Variants in NOP53 observed in about 807,000 individuals in gnomAD.
NOP53 encodes the protein NOP53 ribosome biogenesis factor.
NOP53 carries 40 observed loss-of-function variants against 61.0 expected under a neutral mutation model. That is an observed-to-expected ratio of 0.66 (90% CI 0.51 to 0.85). The LOEUF is 0.85. Ranked by LOEUF, NOP53 falls within the 40% of genes least tolerant of loss-of-function variation. The pLI, the probability that NOP53 is intolerant of heterozygous loss-of-function variation, is 0.00. For synonymous variants in NOP53, 308 were observed against 289.5 expected (o/e 1.06, Z -0.65); for missense variants, 689 against 652.9 (o/e 1.06, Z -0.60).
chr19:47,756,946 G>T, intron 12 of NOP53, 53 bp from the exon 13 acceptor site: 1 of 1,611,944 alleles, frequency 6.2e-7, no homozygotes, highest in Non-Finnish European at 8.5e-7. Context: ...CAGGTCGGCA[G>T]GGGGTATGGG....
intron 2 of NOP53, among the ~76,000 whole-genome samples, chr19:47,749,661 T>C (rs1967101727): frequency 6.6e-6 from 1 of 152,096 alleles, no homozygotes; most frequent in Admixed American, 6.6e-5. Context: ...AACTAGAAGT[T>C]ATGCTGAGAA....
chr19:47,755,662 C>A, intron 9 of NOP53, 94 bp from the exon 10 acceptor site: 1 of 1,365,678 alleles, frequency 7.3e-7, no homozygotes, highest in Non-Finnish European at 1.0e-6. Flanking sequence ...ACCCCACATT[C>A]TCAGAGGCCC....
At position 47,751,032 on chromosome 19, in the gene NOP53, C is replaced by T. The variant is rs550344636; in HGVS notation, c.523C>T (p.Pro175Ser). The T allele has an allele frequency of 3.1e-6, 5 of 1,605,678 alleles. No individual in the cohort carries two copies. In the Admixed American group the frequency reaches 5.1e-5, roughly 16 times the overall value. Residue 175 changes from proline (P) to serine (S), a missense_variant, in exon 4 of 13, where the codon CCT (proline) becomes TCT (serine). Pro to Ser is a moderately conservative substitution (Grantham distance 74, BLOSUM62 -1). Transcript: ENST00000246802. ...CAGGGCCCAGGCCCGGCTCCTCAAC[C>T]CTTCTGCAACAAGGGCCAAGCCCGG... ...VRRAQARLLNPSATRAKPGPQ... is the reference protein window; with the variant it reads ...VRRAQARLLNSSATRAKPGPQ...
chr19:47,755,682 C>T (rs1272586199), intron 9 of NOP53, 74 bp from the exon 10 acceptor site: 1 of 1,417,448 alleles, frequency 7.1e-7, no homozygotes, highest in Non-Finnish European at 9.7e-7. Flanking sequence ...CCTTCTTCTC[C>T]AGGAGGGGGC....
At position 47,754,374 on chromosome 19, in the gene NOP53, G is replaced by T. The variant is rs902889032; in HGVS notation, c.766-153G>T. ...TTGAGGTGCCCTCTGGCTCTGTGCAGGGTGGGTGTGCTGGTAGACGGGGTG... is the reference window on the plus strand; with the variant it reads ...TTGAGGTGCCCTCTGGCTCTGTGCATGGTGGGTGTGCTGGTAGACGGGGTG... On this transcript the variant is annotated intron_variant, in intron 6 of 12. Transcript: ENST00000246802. The surrounding 1 kb of genome is among the most constrained non-coding windows in gnomAD (Gnocchi z 4.2). 5 of 659,102 alleles carry T rather than the reference G, an allele frequency of 7.6e-6. No individual in the cohort carries two copies. Among genetic ancestry groups the T allele is most frequent in the African/African-American group, 1.8e-5 (1 of 56,086 alleles). 40.8% of individuals were successfully genotyped at this position (659,102 alleles called of 1,614,324 possible).
At position 47,745,551 on chromosome 19, in the gene NOP53, T is replaced by A. The variant is rs780550153; in HGVS notation, c.-9T>A. The A allele has an allele frequency of 2.5e-6, 4 of 1,612,820 alleles. No homozygotes were observed. In the African/African-American group the frequency reaches 5.3e-5, roughly 22 times the overall value. The stretch of plus-strand genomic sequence containing the variant: ...GGGACGCCAGTGGCTGAGTTCTTCC[T>A]TTGACAAGATGGCGGCAGGAGGCAG... On this transcript the variant is annotated 5_prime_UTR_variant, in exon 1 of 13. Transcript: ENST00000246802.
At chr19:47,746,878 C>G (rs745887206) in intron 1 of NOP53, 89 bp from the exon 2 acceptor site, 84 of 1,076,986 alleles carry the variant, frequency 7.8e-5, no homozygotes, top group Middle Eastern at 2.0e-4. Context: ...CGGGACTTGA[C>G]TAAGCGGAAG....
At chr19:47,745,844 C>T in intron 1 of NOP53, 61 bp downstream of exon 1, 6 of 666,124 alleles carry the variant, frequency 9.0e-6, no homozygotes, top group Non-Finnish European at 1.2e-5. Flanking sequence ...CAAGGCCAGG[C>T]GTGCTTGCGT....
chr19:47,754,930 C>G lies in NOP53; in HGVS notation c.1053+39C>G. On this transcript the variant is annotated intron_variant, in intron 8 of 12. Transcript: ENST00000246802. The surrounding 1 kb of genome is among the most constrained non-coding windows in gnomAD (Gnocchi z 4.2). ...CCAGCGGGGCCTGCCTCTGATGCCT[C>G]GCCCCCTTCCTTCCTTCCTCCCACC... is the stretch of plus-strand genomic sequence containing the variant. The G allele has an allele frequency of 6.8e-7, 1 of 1,465,072 alleles. No homozygotes were observed. Among genetic ancestry groups the G allele is most frequent in the Non-Finnish European group, 9.0e-7 (1 of 1,115,496 alleles). 90.8% of individuals were successfully genotyped at this position (1,465,072 alleles called of 1,614,324 possible).
chr19:47,756,199 C>G (rs1354680603), intron 10 of NOP53: 8 of 520,398 alleles, frequency 1.5e-5, no homozygotes, highest in Middle Eastern at 5.1e-4. Flanking sequence ...CTGGGCCGAC[C>G]CGGCCGTGGG....
At position 47,751,522 on chromosome 19, in the gene NOP53, C is replaced by A. The variant is rs2123674655; in HGVS notation, c.601C>A (p.Pro201Thr). The A allele has an allele frequency of 1.2e-6, 2 of 1,613,572 alleles. No individual in the cohort carries two copies. Among genetic ancestry groups the A allele is most frequent in the East Asian group, 2.2e-5 (1 of 44,848 alleles). ...PFYDLWASDN[P>T]LDRPLVGQDE... ...AGCTCCCCTCGCTGTATCCACAGAC[C>A]CCCTGGACAGGCCGTTGGTTGGCCA... The change falls in exon 5 of 13, where the codon CCC becomes ACC. Residue 201 changes from proline to threonine, a missense_variant and splice_region_variant. Transcript: ENST00000246802.
At chr19:47,756,187 G>A (rs952161439) in intron 10 of NOP53, 3 of 516,046 alleles carry the variant, frequency 5.8e-6, no homozygotes, top group South Asian at 2.5e-5. Context: ...TCAGCCACAC[G>A]CCTGGGCCGA....
At chr19:47,747,821 C>A (rs1370564760) in intron 2 of NOP53, among the ~76,000 whole-genome samples, 2 of 115,684 alleles carry the variant, frequency 1.7e-5, no homozygotes, top group African/African-American at 6.8e-5. Context: ...GAGTTTCAAG[C>A]CCAGGCTGGA....
chr19:47,755,964 G>A (rs1261500155), intron 10 of NOP53, 142 bp downstream of exon 10: 7 of 634,676 alleles, frequency 1.1e-5, no homozygotes, highest in Non-Finnish European at 2.0e-5. Context: ...CTGAGGGCAC[G>A]GGATGCTGGG....
At chr19:47,751,637 G>A (rs151274684) in intron 5 of NOP53, 47 bp downstream of exon 5, 2 of 1,407,900 alleles carry the variant, frequency 1.4e-6, no homozygotes, top group Non-Finnish European at 2.0e-6. Flanking sequence ...GGGTGAGGAG[G>A]GCCGGGAGCT....
At chr19:47,750,822 T>C in intron 3 of NOP53, 86 bp from the exon 4 acceptor site, 1 of 1,147,436 alleles carries the variant, frequency 8.7e-7, no homozygotes, top group Non-Finnish European at 1.3e-6. Context: ...GCCTTAATGG[T>C]GGAGGAAGCC....
At chr19:47,748,751 C>T (rs542787352) in intron 2 of NOP53, among the ~76,000 whole-genome samples, 3 of 152,130 alleles carry the variant, frequency 2.0e-5, no homozygotes, top group South Asian at 2.1e-4. Context: ...AAAAACTAGC[C>T]GGACGTCATG....
Position 47,755,744 on chromosome 19 carries a change from C to T in NOP53, c.1230-12C>T, listed in dbSNP as rs541616726. On this transcript the variant is annotated splice_polypyrimidine_tract_variant and intron_variant, in intron 9 of 12. Transcript: ENST00000246802. ...GGGGGTGATATTTCTGAACACCCGCCCTGTTCTGCAGGTACCAGGCACCTG... is the reference window on the plus strand; with the variant it reads ...GGGGGTGATATTTCTGAACACCCGCTCTGTTCTGCAGGTACCAGGCACCTG... 3.1e-5 allele frequency: 49 copies of T among 1,606,160 alleles called. No individual in the cohort carries two copies. The East Asian group carries it at 9.4e-4, about 31-fold the overall frequency.
At chr19:47,755,147 G>A (rs893950966) in intron 8 of NOP53, among the ~76,000 whole-genome samples, 5 of 152,070 alleles carry the variant, frequency 3.3e-5, no homozygotes, top group East Asian at 1.9e-4. Flanking sequence ...TTTCTGCACC[G>A]CAGACCAGGG....
Sources: allele counts gnomAD v4.1 joint callset (sites outside exome capture counted in the v4.1 genomes callset), GRCh38; gene constraint gnomAD v4.1.1; non-coding constraint Gnocchi (gnomAD v3.1); transcripts MANE v1.5; gene names NCBI Gene and HGNC (gene_info 2026-07-23, HGNC 2026-07-21).